Variants in CDH11 observed in about 807,000 individuals in gnomAD.
The protein encoded by CDH11 is cadherin-11.
Under a neutral mutation model 67.8 loss-of-function variants are expected in CDH11, and 11 were observed. The ratio of observed to expected loss-of-function variants is 0.16; its 90% CI spans 0.10 to 0.27. The LOEUF is 0.27. Among genes scored for constraint, CDH11 ranks in the 10% least tolerant of loss-of-function variants. CDH11 has a pLI of 1.00. For synonymous variants in CDH11, 419 were observed against 400.0 expected, an observed-to-expected ratio of 1.05 and a Z score of -0.57; for missense variants, 847 against 1,031.2, an observed-to-expected ratio of 0.82 and a Z score of 2.45.
intron 2 of CDH11, among the ~76,000 whole-genome samples, chr16:65,006,515 A>C (rs563513654): frequency 6.6e-6 from 1 of 152,166 alleles, no homozygotes; most frequent in Non-Finnish European, 1.5e-5. Flanking sequence ...CCAATCAATC[A>C]CTCTGAACCT....
intron 2 of CDH11, among the ~76,000 whole-genome samples, chr16:65,043,329 A>G (rs1274313517): frequency 1.3e-5 from 2 of 151,416 alleles, no homozygotes; most frequent in Non-Finnish European, 2.9e-5. Context: ...TGACTCTGAG[A>G]TGGAGTTTAG....
chr16:64,986,073 T>C (rs1349873245), intron 7 of CDH11: 1 of 152,134 alleles, frequency 6.6e-6, no homozygotes, highest in East Asian at 1.9e-4. Flanking sequence ...AAAAATACTT[T>C]AAAATGCAGA....
intron 7 of CDH11, chr16:64,983,143 T>A (rs929191978): frequency 5.7e-5 from 5 of 88,022 alleles, no homozygotes; most frequent in Middle Eastern, 5.9e-3. Flanking sequence ...GCTTCTTTTT[T>A]TAAAAAAAAA....
chr16:64,978,238 C>T (rs2072233060), intron 8 of CDH11, among the ~76,000 whole-genome samples: 1 of 152,066 alleles, frequency 6.6e-6, no homozygotes, highest in Non-Finnish European at 1.5e-5. Flanking sequence ...TTTATTTATT[C>T]AATAAATATT....
rs997739433 is a variant in CDH11 at position 65,007,723 on chromosome 16, T to C, written c.-172-2682A>G. Among the ~76,000 whole-genome samples the C allele has an allele frequency of 5.9e-5, 9 of 152,224 alleles. No individual in the cohort carries two copies. In the East Asian group the frequency reaches 1.7e-3, roughly 29 times the overall value. Reference sequence around the variant, plus strand: ...AAAATTTTCTTCAAGTGGCTTCATATTCATGATTAGAGTTTCAGTGAGCTA... The same window carrying C: ...AAAATTTTCTTCAAGTGGCTTCATACTCATGATTAGAGTTTCAGTGAGCTA... On this transcript the variant is annotated intron_variant, in intron 2 of 12. Coordinates refer to ENST00000268603, the MANE Select transcript of CDH11 (RefSeq NM_001797.4).
chr16:65,108,773 C>T (rs1196602068), intron 1 of CDH11, among the ~76,000 whole-genome samples: 1 of 152,068 alleles, frequency 6.6e-6, no homozygotes, highest in Non-Finnish European at 1.5e-5. Flanking sequence ...GCCTATATAG[C>T]CTCACCTATG....
intron 11 of CDH11, among the ~76,000 whole-genome samples, chr16:64,961,511 G>C (rs907566735): frequency 6.6e-6 from 1 of 152,074 alleles, no homozygotes; most frequent in African/African-American, 2.4e-5. Flanking sequence ...TAGTATGTCA[G>C]TGCCTTTATC....
At chr16:64,959,894 T>C (rs1294090335) in intron 11 of CDH11, among the ~76,000 whole-genome samples, 1 of 152,234 alleles carries the variant, frequency 6.6e-6, no homozygotes, top group Non-Finnish European at 1.5e-5. Context: ...ATTGATTTAA[T>C]CTGAGTGAAT....
chr16:65,032,610 T>C (rs2073665469), intron 2 of CDH11, among the ~76,000 whole-genome samples: 1 of 152,118 alleles, frequency 6.6e-6, no homozygotes. Flanking sequence ...TGCCAAGCGT[T>C]CTCTAAGTCT....
chr16:64,948,422 C>T, intron 12 of CDH11: 5 of 626,092 alleles, frequency 8.0e-6, no homozygotes, highest in Non-Finnish European at 1.4e-5. Context: ...ATATGTTGGT[C>T]TGTAGTCTCT....
chr16:65,005,469 A>G (rs972504022), intron 2 of CDH11, among the ~76,000 whole-genome samples: 7 of 152,184 alleles, frequency 4.6e-5, no homozygotes, highest in African/African-American at 1.7e-4. Flanking sequence ...TGCTGTAATA[A>G]GAAAGGAGAG....
At chr16:65,091,681 A>G (rs1287140248) in intron 1 of CDH11, among the ~76,000 whole-genome samples, 1 of 151,638 alleles carries the variant, frequency 6.6e-6, no homozygotes, top group Non-Finnish European at 1.5e-5. Flanking sequence ...CCTCCCGAGT[A>G]GCTGAGACTA....
chr16:65,092,260 T>C (rs996096128), intron 1 of CDH11, among the ~76,000 whole-genome samples: 5 of 152,158 alleles, frequency 3.3e-5, no homozygotes, highest in Non-Finnish European at 5.9e-5. Context: ...AGATGTCCCA[T>C]GTGGAAAAAT....
At chr16:65,001,563 T>C (rs1401928662) in intron 3 of CDH11, among the ~76,000 whole-genome samples, 2 of 152,218 alleles carry the variant, frequency 1.3e-5, no homozygotes, top group African/African-American at 4.8e-5. Flanking sequence ...TGAATCTTTC[T>C]AGAGGCCTTC....
intron 10 of CDH11, 74 bp from the exon 11 acceptor site, chr16:64,971,770 G>C: frequency 1.4e-6 from 2 of 1,406,050 alleles, no homozygotes; most frequent in South Asian, 2.4e-5. Flanking sequence ...TTTCTGGCTG[G>C]CTAGAAAGCC....
At chr16:65,037,462 C>T (rs974003947) in intron 2 of CDH11, among the ~76,000 whole-genome samples, 6 of 152,166 alleles carry the variant, frequency 3.9e-5, no homozygotes. Flanking sequence ...ACCTTGCCAT[C>T]CCCATCACCC....
chr16:65,014,898 C>T (rs1722469679), intron 2 of CDH11, among the ~76,000 whole-genome samples: 2 of 151,656 alleles, frequency 1.3e-5, no homozygotes, highest in Admixed American at 1.3e-4. Context: ...TCTTTTTGGC[C>T]AGGCTGGAGT....
chr16:65,040,168 C>G (rs2073838193), intron 2 of CDH11, among the ~76,000 whole-genome samples: 1 of 152,150 alleles, frequency 6.6e-6, no homozygotes, highest in Admixed American at 6.5e-5. Context: ...GGATCTAGAA[C>G]TAGAAATACC....
chr16:65,110,634 G>A (rs2075140626), intron 1 of CDH11, among the ~76,000 whole-genome samples: 1 of 60,130 alleles, frequency 1.7e-5, no homozygotes, highest in South Asian at 6.0e-4. Flanking sequence ...ATGTGTGTGT[G>A]TGTGTGTGTG....
Sources: allele counts gnomAD v4.1 joint callset (sites outside exome capture counted in the v4.1 genomes callset), GRCh38; gene constraint gnomAD v4.1.1; transcripts MANE v1.5; gene names NCBI Gene and HGNC (gene_info 2026-07-23, HGNC 2026-07-21).